The following GPHN variants were observed in gnomAD, a reference collection of about 807,000 sequenced individuals.
GPHN encodes gephyrin.
GPHN carries 17 observed loss-of-function variants against 95.5 expected under a neutral mutation model. The ratio of observed to expected loss-of-function variants is 0.18; its 90% CI spans 0.12 to 0.27. The LOEUF is 0.27. Ranked by LOEUF, GPHN falls within the 10% of genes least tolerant of loss-of-function variation. The pLI is 1.00. For synonymous variants in GPHN, 320 were observed against 322.5 expected, an observed-to-expected ratio of 0.99 and a Z score of 0.08; for missense variants, 660 against 978.1, an observed-to-expected ratio of 0.67 and a Z score of 4.34.
At chr14:67,319,057 CAAA>C in the GPHN span, among the ~76,000 whole-genome samples, 1 of 114,022 alleles carries the variant, frequency 8.8e-6, no homozygotes. Flanking sequence ...GACTCCGTCT[CAAA>C]AAAAAAAAAA....
At chr14:67,348,024 CACCTCAGCCTCCT>C in the GPHN span, among the ~76,000 whole-genome samples, 1 of 151,744 alleles carries the variant, frequency 6.6e-6, no homozygotes, top group Non-Finnish European at 1.5e-5. Flanking sequence ...GTGATTCTCC[CACCTCAGCCTCCT>C]GAGTAGCTGG....
At chr14:66,728,346 C>A (rs2071443258) in intron 2 of GPHN, among the ~76,000 whole-genome samples, 2 of 152,158 alleles carry the variant, frequency 1.3e-5, no homozygotes, top group African/African-American at 4.8e-5. Context: ...CCTAGTGGAG[C>A]TGTGAGAAGA....
chr14:66,688,704 A>G (rs539549256), intron 2 of GPHN, among the ~76,000 whole-genome samples: 1 of 152,246 alleles, frequency 6.6e-6, no homozygotes, highest in East Asian at 1.9e-4. Flanking sequence ...TCTCTTGCCT[A>G]ATTGTTATGA....
chr14:67,237,004 C>A, the GPHN span, among the ~76,000 whole-genome samples: 1 of 152,030 alleles, frequency 6.6e-6, no homozygotes, highest in South Asian at 2.1e-4. Context: ...GCAGGAAAAC[C>A]GCTTGAACCC....
At chr14:66,569,593 G>T (rs1019615584) in intron 1 of GPHN, among the ~76,000 whole-genome samples, 2 of 152,022 alleles carry the variant, frequency 1.3e-5, no homozygotes, top group African/African-American at 4.8e-5. Context: ...AACCTGGGAG[G>T]CGGAGGTTGC....
chr14:67,615,998 G>T, the GPHN span: 1 of 288,014 alleles, frequency 3.5e-6, no homozygotes. Flanking sequence ...CAGCCAAAAA[G>T]GGAGTTGTTG....
chr14:67,197,286 G>T, the GPHN span: 1 of 152,142 alleles, frequency 6.6e-6, no homozygotes, highest in East Asian at 1.9e-4. Flanking sequence ...ATCATGAAAA[G>T]GAGGAAGCTC....
At chr14:67,113,689 A>T (rs570324448) in intron 16 of GPHN, among the ~76,000 whole-genome samples, 1 of 152,250 alleles carries the variant, frequency 6.6e-6, no homozygotes, top group African/African-American at 2.4e-5. Context: ...CTCCCTAAAG[A>T]TAGCATCTCT....
At chr14:66,949,135 G>C (rs894379760) in intron 8 of GPHN, among the ~76,000 whole-genome samples, 5 of 151,788 alleles carry the variant, frequency 3.3e-5, no homozygotes, top group Non-Finnish European at 7.4e-5. Flanking sequence ...GCTCAGGCTG[G>C]AGTGCAGTGG....
the GPHN span, among the ~76,000 whole-genome samples, chr14:67,539,099 C>T: frequency 5.3e-5 from 8 of 152,130 alleles, no homozygotes; most frequent in Admixed American, 3.9e-4. Context: ...AACTGAGTTG[C>T]GAGACTCCCA....
the GPHN span, chr14:67,656,718 A>T: frequency 4.8e-6 from 5 of 1,037,432 alleles, no homozygotes; most frequent in Non-Finnish European, 6.6e-6. Flanking sequence ...TTTAAGACAG[A>T]ACCAAAGAAG....
At chr14:67,118,403 G>T (rs1473763246) in intron 16 of GPHN, among the ~76,000 whole-genome samples, 2 of 152,064 alleles carry the variant, frequency 1.3e-5, no homozygotes, top group African/African-American at 4.8e-5. Flanking sequence ...TTCCTCTGGC[G>T]CCATCTGCAG....
the GPHN span, among the ~76,000 whole-genome samples, chr14:67,327,611 G>A: frequency 1.3e-5 from 2 of 151,894 alleles, no homozygotes; most frequent in Non-Finnish European, 1.5e-5. Flanking sequence ...TTTACATTAG[G>A]TATATCTCCT....
intron 3 of GPHN, among the ~76,000 whole-genome samples, chr14:66,776,970 C>T (rs2059403815): frequency 1.3e-5 from 2 of 151,910 alleles, no homozygotes; most frequent in African/African-American, 2.4e-5. Context: ...ATGTGACATG[C>T]TGGTGCATTG....
At chr14:67,209,757 G>T in the GPHN span, among the ~76,000 whole-genome samples, 1 of 150,378 alleles carries the variant, frequency 6.6e-6, no homozygotes, top group South Asian at 2.1e-4. Flanking sequence ...GACTGAGGTT[G>T]CAGTGAGCCG....
At chr14:67,010,411 G>A (rs1594805496) in intron 9 of GPHN, among the ~76,000 whole-genome samples, 1 of 151,642 alleles carries the variant, frequency 6.6e-6, no homozygotes, top group African/African-American at 2.4e-5. Context: ...AATTAGCCAG[G>A]TGTGGTGGCG....
rs530173903 is a variant in GPHN at position 66,681,143 on chromosome 14, G to A, written c.101G>A (p.Arg34His). ...DSCFRNLAED[R>H]SGINLKDLVQ... ...TGCTTCAGGAATCTTGCAGAAGACC[G>A]CAGTGGGATAAATCTCAAAGATCTC... is the stretch of plus-strand genomic sequence containing the variant. Residue 34 changes from arginine (R) to histidine (H), a missense_variant, in exon 2 of 23, where the codon CGC becomes CAC. By Grantham distance (29) the Arg-to-His change is conservative. This residue lies in a region of GPHN where 92 missense variants were observed against 91.9 expected (regional missense o/e 1.00). Transcript: ENST00000478722. 14 of 1,599,356 alleles carry A rather than the reference G, an allele frequency of 8.8e-6. No individual in the cohort carries two copies. Among genetic ancestry groups the A allele is most frequent in the East Asian group, 2.2e-5 (1 of 44,700 alleles).
At chr14:67,725,106 A>C in the GPHN span, 150 of 1,614,020 alleles carry the variant, frequency 9.3e-5, no homozygotes, top group Non-Finnish European at 1.0e-4. Context: ...CAGGAGCCCG[A>C]GTCTATATTG....
chr14:67,646,929 T>A, the GPHN span: 1 of 1,596,278 alleles, frequency 6.3e-7, no homozygotes, highest in Non-Finnish European at 8.6e-7. Flanking sequence ...AGTTTTATTT[T>A]AAAGAACTAT....
Sources: gnomAD v4.1 joint callset for allele counts (sites outside exome capture counted in the v4.1 genomes callset) on GRCh38, gnomAD v4.1.1 for gene constraint, gnomAD v4.1.1 regional missense constraint, MANE v1.5 for transcripts, NCBI Gene and HGNC (gene_info 2026-07-23, HGNC 2026-07-21) for gene names.